Variants in MAPK8IP3 observed in about 807,000 individuals in gnomAD.
MAPK8IP3 encodes the protein C-Jun-amino-terminal kinase-interacting protein 3.
A neutral mutation model predicts 157.8 loss-of-function variants in MAPK8IP3; 49 were observed. The ratio of observed to expected loss-of-function variants is 0.31; its 90% confidence interval spans 0.25 to 0.39. The LOEUF (loss-of-function observed/expected upper bound fraction) is 0.39. Among genes scored for constraint, MAPK8IP3 ranks in the 10% least tolerant of loss-of-function variants. The pLI is 1.00. For missense variants in MAPK8IP3, 1,478 were observed against 1,889.4 expected (o/e 0.78, Z 4.04); for synonymous variants, 897 against 777.7 (o/e 1.15, Z -2.55).
intron 4 of MAPK8IP3, among the ~76,000 whole-genome samples, chr16:1,735,697 G>A (rs1411167057): frequency 1.4e-5 from 2 of 145,278 alleles, no homozygotes; most frequent in Admixed American, 6.8e-5. Context: ...GCGTCTGTGT[G>A]CCTGTCCGTG....
Position 1,769,539 on chromosome 16 carries a change from CCGTGTCCCCCCAGG to C in MAPK8IP3, c.*717_*730del, listed in dbSNP as rs1453914635. Reference sequence around the variant, plus strand: ...AGGCTCTTGCCAGCCCCGTTCTGACCCGTGTCCCCCCAGGCTCTGCCTGGGCAGAAGACTCACCT... The same window carrying C: ...AGGCTCTTGCCAGCCCCGTTCTGACCCTCTGCCTGGGCAGAAGACTCACCT... On this transcript the variant is annotated 3_prime_UTR_variant, in exon 32 of 32. Transcript: ENST00000610761. 1 of 152,590 alleles carries C rather than the reference CCGTGTCCCCCCAGG, an allele frequency of 6.6e-6. No homozygotes were observed. 9.5% of individuals were successfully genotyped at this position (152,590 alleles called of 1,614,324 possible). A position where few individuals can be genotyped will look rare whatever the true frequency, so the allele number is the denominator to read the frequency against.
intron 10 of MAPK8IP3, 105 bp downstream of exon 10, chr16:1,759,100 G>A: frequency 6.7e-7 from 1 of 1,484,268 alleles, no homozygotes. Flanking sequence ...ACAGTGTTGG[G>A]GCCGCCGGGG....
In MAPK8IP3 at chr16:1,768,560, G is replaced by A. The variant is rs750159450; in HGVS notation, c.3826G>A (p.Glu1276Lys). 14 of 1,576,182 alleles carry A rather than the reference G, an allele frequency of 8.9e-6. No homozygotes were observed. The highest frequency in any genetic ancestry group is 2.7e-5 in the African/African-American group (2 of 74,186). ...GCCAGCTGCCCCTGCCTCGGAGGTC[G>A]AGGGCCAGAAGCTGCGGAACGTGCT... ...PGPAAPASEV[E>K]GQKLRNVLVL... The change falls in exon 31 of 32, where the codon GAG (glutamate) becomes AAG (lysine). Residue 1276 changes from glutamate to lysine, a missense_variant. Transcript: ENST00000610761.
At chr16:1,762,506 GGGGCTGCGGGATCATCCCTGACGGCA>G in intron 14 of MAPK8IP3, 25 bp downstream of exon 14, 1 of 1,611,152 alleles carries the variant, frequency 6.2e-7, no homozygotes, top group East Asian at 2.2e-5. Flanking sequence ...CACCCCAGGA[GGGGCTGCGGGATCATCCCTGACGGCA>G]GGACTGCGGC....
At chr16:1,729,391 C>A in intron 3 of MAPK8IP3, 96 bp from the exon 4 acceptor site, 1 of 1,347,896 alleles carries the variant, frequency 7.4e-7, no homozygotes, top group Non-Finnish European at 1.0e-6. Context: ...GTCTTGATTT[C>A]TGCCTGCACA....
chr16:1,708,286 C>T (rs546604584), intron 1 of MAPK8IP3, among the ~76,000 whole-genome samples: 11 of 152,342 alleles, frequency 7.2e-5, no homozygotes, highest in South Asian at 6.2e-4. Flanking sequence ...CTGCAGGCAC[C>T]GGAGGGCTGC....
At chr16:1,765,861 A>C in intron 20 of MAPK8IP3, 99 bp from the exon 21 acceptor site, 2 of 1,142,094 alleles carry the variant, frequency 1.8e-6, no homozygotes, top group South Asian at 3.0e-5. Flanking sequence ...GGAAAGTGGA[A>C]GGCCAGCCCC....
chr16:1,735,668 C>T lies in MAPK8IP3; in HGVS notation c.602+6090C>T, dbSNP rs7404364. Among the ~76,000 whole-genome samples the T allele has an allele frequency of 1.3e-4, 18 of 136,328 alleles. No individual in the cohort carries two copies. The East Asian group carries it at 3.6e-3, about 27-fold the overall frequency. 89.4% of individuals were successfully genotyped at this position (136,328 alleles called of 152,430 possible). ...GAGTGTGACCATCCATGTGAGCATC[C>T]GTGTGACCGTCCGTGTGAGCGTCTG... On this transcript the variant is annotated intron_variant, in intron 4 of 31. Transcript: ENST00000610761.
Position 1,741,556 on chromosome 16 carries a change from T to C in MAPK8IP3, c.603-1776T>C, listed in dbSNP as rs988588266. Reference sequence around the variant, plus strand: ...CGGCTTCGGTCTAGGGACTGAGACGTGTCTGATGGCGTCAGAACTGGGCCT... The same window carrying C: ...CGGCTTCGGTCTAGGGACTGAGACGCGTCTGATGGCGTCAGAACTGGGCCT... On this transcript the variant is annotated intron_variant, in intron 4 of 31. Transcript: ENST00000610761. The surrounding 1 kb of genome is among the most constrained non-coding windows in gnomAD (Gnocchi z 6.9). 3.9e-5 allele frequency among the ~76,000 whole-genome samples: 6 copies of C among 152,076 alleles called. No individual in the cohort carries two copies. Among genetic ancestry groups the C allele is most frequent in the African/African-American group, 1.4e-4 (6 of 41,402 alleles).
intron 8 of MAPK8IP3, among the ~76,000 whole-genome samples, chr16:1,754,072 C>T (rs1315935970): frequency 6.6e-6 from 1 of 151,662 alleles, no homozygotes; most frequent in Non-Finnish European, 1.5e-5. Context: ...ACTTGGGAGA[C>T]TGAGGCAGGA....
chr16:1,719,717 G>A (rs926083921), intron 1 of MAPK8IP3, among the ~76,000 whole-genome samples: 16 of 150,382 alleles, frequency 1.1e-4, no homozygotes, highest in African/African-American at 3.7e-4. Context: ...GTGGTGGCAC[G>A]TGCCTGTGGG....
chr16:1,767,323 AG>A (rs2042330502), intron 26 of MAPK8IP3, 26 bp downstream of exon 26: 2 of 1,611,384 alleles, frequency 1.2e-6, no homozygotes, highest in Non-Finnish European at 1.7e-6. Context: ...GGCCCCGGGG[AG>A]GGGAAGAGGC....
chr16:1,762,055 C>A (rs573169795), intron 13 of MAPK8IP3, among the ~76,000 whole-genome samples: 17 of 152,342 alleles, frequency 1.1e-4, no homozygotes, highest in South Asian at 4.1e-4. Context: ...ACACCTGACC[C>A]CAGCGGCATC....
rs199731013 is a variant in MAPK8IP3, at chr16:1,767,748, G to A, written c.3409+13G>A. ...AGCAAGATGCTAGGTGAGGGGCCAC[G>A]CCAGATGGGGTGGTGGGGTGCTCAA... On this transcript the variant is annotated intron_variant, in intron 27 of 31. Coordinates refer to ENST00000610761, the MANE Select transcript of MAPK8IP3 (RefSeq NM_001318852.2). 52 of 1,612,290 alleles carry A rather than the reference G, an allele frequency of 3.2e-5. 1 individual carries two copies. The East Asian group carries it at 5.6e-4, about 17-fold the overall frequency.
At chr16:1,764,060 G>A in intron 17 of MAPK8IP3, 55 bp from the exon 18 acceptor site, 1 of 1,495,564 alleles carries the variant, frequency 6.7e-7, no homozygotes, top group Non-Finnish European at 9.0e-7. Context: ...CAGATTTCTG[G>A]AGGGATGGGT....
chr16:1,761,305 G>A lies in MAPK8IP3; in HGVS notation c.1539G>A (p.Ser513=), dbSNP rs753288745. 3.1e-6 allele frequency: 5 copies of A among 1,612,594 alleles called. No individual in the cohort carries two copies. The highest frequency in any genetic ancestry group is 3.4e-6 in the Non-Finnish European group (4 of 1,179,612). ...EDVSSYLCTE[S]DKIPMAQRRR... is the part of the protein sequence containing the mutation. ...TAAGCAGCTATCTCTGTACAGAATCGGTACATCCACTCTTCACTCTTCACA... is the reference window on the plus strand; with the variant it reads ...TAAGCAGCTATCTCTGTACAGAATCAGTACATCCACTCTTCACTCTTCACA... The change falls in exon 13 of 32, where the codon TCG becomes TCA. Residue 513 remains serine (S), a splice_region_variant and synonymous_variant. Transcript: ENST00000610761.
chr16:1,721,225 C>T (rs868748056), intron 1 of MAPK8IP3, among the ~76,000 whole-genome samples: 1 of 145,054 alleles, frequency 6.9e-6, no homozygotes. Context: ...CCCAACTACT[C>T]GGGAGGCTGA....
At chr16:1,763,997 G>A in intron 17 of MAPK8IP3, 118 bp from the exon 18 acceptor site, 3 of 1,133,682 alleles carry the variant, frequency 2.6e-6, no homozygotes, top group East Asian at 2.6e-5. Flanking sequence ...GCCCCCACCT[G>A]CCTCCAGTCT....
intron 8 of MAPK8IP3, among the ~76,000 whole-genome samples, chr16:1,749,706 C>T (rs759285653): frequency 6.6e-6 from 1 of 152,256 alleles, no homozygotes; most frequent in African/African-American, 2.4e-5. Context: ...CCGAGCCTTT[C>T]GCCATGGCCT....
Sources: gnomAD v4.1 joint callset for allele counts (sites outside exome capture counted in the v4.1 genomes callset) on GRCh38, gnomAD v4.1.1 for gene constraint, Gnocchi (gnomAD v3.1) non-coding constraint, MANE v1.5 for transcripts, NCBI Gene and HGNC (gene_info 2026-07-23, HGNC 2026-07-21) for gene names.